Variants in SLC9A6 observed in about 807,000 individuals in gnomAD.
The protein encoded by SLC9A6 is solute carrier family 9 member A6, also known as sodium/hydrogen exchanger 6.
Under a neutral mutation model 45.3 loss-of-function variants are expected in SLC9A6, and 6 were observed. That is an observed-to-expected ratio of 0.13 (90% confidence interval 0.07 to 0.26). The LOEUF is 0.26. Among genes scored for constraint, SLC9A6 ranks in the 10% least tolerant of loss-of-function variants. The pLI is 1.00. For missense variants in SLC9A6, 278 were observed against 503.7 expected, an observed-to-expected ratio of 0.55 and a Z score of 4.29; for synonymous variants, 191 against 187.7, an observed-to-expected ratio of 1.02 and a Z score of -0.14.
intron 7 of SLC9A6, among the ~76,000 whole-genome samples, chrX:136,008,346 C>T (rs2070858062): frequency 9.0e-6 from 1 of 111,726 alleles, no homozygotes; most frequent in Admixed American, 9.5e-5. Context: ...TGAGGTTCAC[C>T]TGCCTTAGCC....
intron 2 of SLC9A6, 99 bp from the exon 3 acceptor site, chrX:135,994,687 A>T: frequency 1.3e-6 from 1 of 765,711 alleles, no homozygotes; most frequent in Non-Finnish European, 2.0e-6. Flanking sequence ...AGCTACAGGG[A>T]ACTACCGTAA....
intron 7 of SLC9A6, chrX:136,010,229 C>G (rs782035497): frequency 9.3e-6 from 3 of 323,994 alleles, no homozygotes; most frequent in Admixed American, 9.7e-5. Context: ...GTTCTACCCC[C>G]CCCCCGAAAT....
rs782518112 is a variant in SLC9A6 at position 136,028,099 on chromosome X, T to C, written c.1461-787T>C. ...GAACCACTCTTATGTTGGTGCAACA[T>C]TGGGCCTCTTCATTGTAGCACTTAT... On this transcript the variant is annotated intron_variant, in intron 13 of 17. Coordinates refer to ENST00000630721, the MANE Select transcript of SLC9A6 (RefSeq NM_001379110.1). 2.7e-4 allele frequency among the ~76,000 whole-genome samples: 30 copies of C among 112,630 alleles called. No individual in the cohort carries two copies. In the East Asian group the frequency reaches 7.2e-3, roughly 27 times the overall value.
At position 136,044,665 on chromosome X, in the gene SLC9A6, A is replaced by G. The variant is rs2071568623; in HGVS notation, c.1981A>G (p.Met661Val). The stretch of plus-strand genomic sequence containing the variant: ...TCGAGGAACACGCCTGGTTCTTCCA[A>G]TGGATGATTCTGAACCCCCGCTAAA... ...VIRGTRLVLP[M>V]DDSEPPLNLL... Residue 661 changes from methionine to valine, a missense_variant, in exon 18 of 18, where the codon ATG becomes GTG. By Grantham distance (21) the Met-to-Val change is conservative. Around this residue, in one of 5 missense-constraint regions of SLC9A6, gnomAD observed 91 missense variants for 125.1 expected, o/e 0.73. Coordinates refer to ENST00000630721, the MANE Select transcript of SLC9A6 (RefSeq NM_001379110.1). 1.7e-6 allele frequency: 2 copies of G among 1,210,723 alleles called. No individual in the cohort carries two copies. The highest frequency in any genetic ancestry group is 1.8e-5 in the South Asian group (1 of 56,948).
intron 11 of SLC9A6, among the ~76,000 whole-genome samples, chrX:136,019,407 A>G (rs1569525127): frequency 9.0e-6 from 1 of 111,456 alleles, no homozygotes; most frequent in African/African-American, 3.3e-5. Context: ...TCCACTTAAC[A>G]TCATTGATTA....
chrX:136,003,604 A>G (rs1556617620), intron 7 of SLC9A6, among the ~76,000 whole-genome samples: 1 of 112,057 alleles, frequency 8.9e-6, no homozygotes, highest in Admixed American at 9.5e-5. Context: ...TGTTTTATAC[A>G]TGTTTAGGTA....
At chrX:135,986,847 T>C (rs1439927699) in intron 2 of SLC9A6, among the ~76,000 whole-genome samples, 1 of 111,412 alleles carries the variant, frequency 9.0e-6, no homozygotes, top group Admixed American at 9.6e-5. Context: ...CGGGTATTGC[T>C]AAAGAGATGA....
chrX:136,036,022 A>G (rs2148205374), intron 16 of SLC9A6, among the ~76,000 whole-genome samples: 1 of 108,745 alleles, frequency 9.2e-6, no homozygotes, highest in South Asian at 4.1e-4. Flanking sequence ...TCAGCCTCCC[A>G]AAGTGCTGGA....
chrX:135,989,800 A>AT (rs1256905712), intron 2 of SLC9A6, among the ~76,000 whole-genome samples: 9 of 111,353 alleles, frequency 8.1e-5, no homozygotes, highest in Non-Finnish European at 1.1e-4. Context: ...GGTGATGCTG[A>AT]TTTTTTTTAT....
At chrX:136,010,385 A>T (rs1325144153) in intron 7 of SLC9A6, 57 bp from the exon 8 acceptor site, 1 of 1,153,633 alleles carries the variant, frequency 8.7e-7, no homozygotes, top group African/African-American at 1.8e-5. Flanking sequence ...ATACTACATA[A>T]TGTTTTTTTA....
intron 16 of SLC9A6, among the ~76,000 whole-genome samples, chrX:136,038,621 A>T (rs1488669392): frequency 9.3e-6 from 1 of 107,467 alleles, no homozygotes; most frequent in Non-Finnish European, 1.9e-5. Context: ...TGTTATTATT[A>T]TTTTTTTTTA....
chrX:135,986,788 G>C lies in SLC9A6; in HGVS notation c.169+961G>C, dbSNP rs143720472. Among the ~76,000 whole-genome samples the C allele has an allele frequency of 9.6e-4, 107 of 111,076 alleles. 1 individual carries two copies. The highest frequency in any genetic ancestry group is 3.2e-3 in the African/African-American group (97 of 30,515). On this transcript the variant is annotated intron_variant, in intron 2 of 17. Transcript: ENST00000630721. ...CTCAGAGGCATTTTGAGCTGTGCTG[G>C]GGCCTCAAGAGGAGAAAAGATACAT...
intron 16 of SLC9A6, among the ~76,000 whole-genome samples, 178 bp downstream of exon 16, chrX:136,033,671 A>G (rs2071366630): frequency 9.1e-6 from 1 of 109,586 alleles, no homozygotes; most frequent in African/African-American, 3.3e-5. Flanking sequence ...TTCCTCTTCA[A>G]ACCCATGAAA....
At chrX:136,041,003 C>T (rs1248457014) in intron 17 of SLC9A6, among the ~76,000 whole-genome samples, 1 of 110,801 alleles carries the variant, frequency 9.0e-6, no homozygotes, top group African/African-American at 3.3e-5. Context: ...CACCTGTAAT[C>T]CCAACTACTC....
intron 1 of SLC9A6, among the ~76,000 whole-genome samples, chrX:135,975,543 G>A (rs2089256666): frequency 1.8e-5 from 2 of 112,241 alleles, no homozygotes; most frequent in African/African-American, 3.2e-5. Flanking sequence ...CCACTGGAAT[G>A]TAAGCTCTGA....
chrX:136,018,906 A>G (rs1222167834), intron 11 of SLC9A6, among the ~76,000 whole-genome samples: 2 of 111,102 alleles, frequency 1.8e-5, no homozygotes, highest in Non-Finnish European at 3.8e-5. Context: ...AAGATAAAGT[A>G]CTGTTAATAA....
rs1225436092 is a variant in SLC9A6, at chrX:136,045,631, T to G, written c.*907T>G. ...TGCTGCTTAATTTTTGATTATGTACTTTATCTGTATAGCAGGCTTTGTCGT... is the reference window on the plus strand; with the variant it reads ...TGCTGCTTAATTTTTGATTATGTACGTTATCTGTATAGCAGGCTTTGTCGT... On this transcript the variant is annotated 3_prime_UTR_variant, in exon 18 of 18. Transcript: ENST00000630721. The G allele has an allele frequency of 8.9e-6, 1 of 112,775 alleles. No homozygotes were observed. Among genetic ancestry groups the G allele is most frequent in the East Asian group, 2.8e-4 (1 of 3,612 alleles). The allele number at this position is 112,775 out of a possible 1,213,427, so 9.3% of individuals were successfully genotyped here.
At chrX:136,022,749 G>A (rs1303738467) in intron 12 of SLC9A6, 52 bp downstream of exon 12, 25 of 720,412 alleles carry the variant, frequency 3.5e-5, no homozygotes, top group Non-Finnish European at 4.5e-5. Context: ...TTCACAATGC[G>A]TGTGCCAGCT....
At chrX:136,027,134 T>A (rs1177011923) in intron 13 of SLC9A6, among the ~76,000 whole-genome samples, 1 of 111,928 alleles carries the variant, frequency 8.9e-6, no homozygotes, top group Non-Finnish European at 1.9e-5. Context: ...ATCCATACTT[T>A]AGTGAGAGAA....
Sources: gnomAD v4.1 joint callset for allele counts (sites outside exome capture counted in the v4.1 genomes callset) on GRCh38, gnomAD v4.1.1 for gene constraint, gnomAD v4.1.1 regional missense constraint, MANE v1.5 for transcripts, NCBI Gene and HGNC (gene_info 2026-07-23, HGNC 2026-07-21) for gene names.